The following EEF1E1 variants were observed in gnomAD, a reference collection of about 807,000 sequenced individuals.
The protein encoded by EEF1E1 is eukaryotic translation elongation factor 1 epsilon-1.
EEF1E1 carries 19 observed loss-of-function variants against 19.9 expected under a neutral mutation model. That is an observed-to-expected ratio of 0.95 (90% CI 0.66 to 1.40). The LOEUF (loss-of-function observed/expected upper bound fraction) is 1.40. Ranked by LOEUF, EEF1E1 falls within the 40% of genes most tolerant of loss-of-function variation. The pLI is 0.00. For missense variants in EEF1E1, 198 were observed against 202.2 expected, an observed-to-expected ratio of 0.98 and a Z score of 0.13; for synonymous variants, 81 against 80.0, an observed-to-expected ratio of 1.01 and a Z score of -0.07.
chr6:8,088,657 G>T (rs1368706522), intron 3 of EEF1E1, among the ~76,000 whole-genome samples: 1 of 152,084 alleles, frequency 6.6e-6, no homozygotes, highest in Non-Finnish European at 1.5e-5. Flanking sequence ...CCTTTTTCCT[G>T]TATATATATT....
chr6:8,101,957 C>A, intron 1 of EEF1E1: 1 of 1,252,258 alleles, frequency 8.0e-7, no homozygotes, highest in Non-Finnish European at 1.0e-6. Context: ...AAAAAGCAAG[C>A]TGCCTGAGAG....
intron 3 of EEF1E1, among the ~76,000 whole-genome samples, chr6:8,089,270 C>A (rs1245320433): frequency 6.6e-6 from 1 of 152,002 alleles, no homozygotes; most frequent in Non-Finnish European, 1.5e-5. Flanking sequence ...AAATTAGACA[C>A]TAAGAGATCA....
At chr6:8,094,362 C>A (rs992210270) in intron 2 of EEF1E1, among the ~76,000 whole-genome samples, 21 of 151,580 alleles carry the variant, frequency 1.4e-4, no homozygotes, top group South Asian at 2.1e-4. Context: ...TTCAGGAGGC[C>A]GAGGCGGGTG....
intron 3 of EEF1E1, among the ~76,000 whole-genome samples, chr6:8,088,272 A>G (rs1280891703): frequency 6.6e-6 from 1 of 152,188 alleles, no homozygotes; most frequent in Non-Finnish European, 1.5e-5. Context: ...AAAAGGAAAT[A>G]CAATCTGGAG....
intron 3 of EEF1E1, among the ~76,000 whole-genome samples, chr6:8,084,319 G>A (rs772723368): frequency 3.3e-5 from 5 of 152,276 alleles, no homozygotes; most frequent in South Asian, 2.1e-4. Flanking sequence ...ACTTAGACTC[G>A]TAATTAAATA....
At chr6:8,073,525 A>G (rs1227454406) in intron 3 of EEF1E1, 1 of 1,551,508 alleles carries the variant, frequency 6.4e-7, no homozygotes, top group Non-Finnish European at 8.7e-7. Context: ...AAAAGGGGAT[A>G]AAAAAGGAGT....
chr6:8,079,761 C>T lies in EEF1E1; in HGVS notation c.*129G>A. 2 of 1,338,104 alleles carry T rather than the reference C, an allele frequency of 1.5e-6. No homozygotes were observed. Among genetic ancestry groups the T allele is most frequent in the Non-Finnish European group, 1.9e-6 (2 of 1,040,564 alleles). The allele number at this position is 1,338,104 out of a possible 1,614,324, so 82.9% of individuals were successfully genotyped here. On this transcript the variant is annotated 3_prime_UTR_variant, in exon 4 of 4. Transcript: ENST00000379715. ...TAAAACATTCAGACACAAGTTTACA[C>T]TTCAAAAATTCTATCAACTTCAACA...
At chr6:8,073,677 G>T (rs147766296) in intron 3 of EEF1E1, among the ~76,000 whole-genome samples, 3 of 152,138 alleles carry the variant, frequency 2.0e-5, no homozygotes, top group African/African-American at 2.4e-5. Context: ...CTACAGAATC[G>T]TAAAATTAGC....
intron 3 of EEF1E1, among the ~76,000 whole-genome samples, chr6:8,084,375 C>T (rs1439726736): frequency 6.6e-6 from 1 of 152,172 alleles, no homozygotes; most frequent in Non-Finnish European, 1.5e-5. Context: ...AGGATTATGA[C>T]CTTATTCATT....
rs532560618 is a variant in EEF1E1 at position 8,093,319 on chromosome 6, G to A, written c.289-3038C>T. 2.9e-3 allele frequency among the ~76,000 whole-genome samples: 339 copies of A among 115,916 alleles called. 2 individuals are homozygous for A. Among genetic ancestry groups the A allele is most frequent in the Non-Finnish European group, 3.9e-3 (223 of 56,668 alleles). The allele number at this position is 115,916 out of a possible 152,430, so 76.0% of individuals were successfully genotyped here. The stretch of plus-strand genomic sequence containing the variant: ...TGAGAACTAATTATGTCTGACATTC[G>A]CTTCCTTTTTTTTTTTTTTTTTTTA... On this transcript the variant is annotated intron_variant, in intron 2 of 3. Coordinates refer to ENST00000379715, the MANE Select transcript of EEF1E1 (RefSeq NM_004280.5).
chr6:8,097,389 T>C lies in EEF1E1; in HGVS notation c.166A>G (p.Asn56Asp). The C allele has an allele frequency of 6.2e-7, 1 of 1,614,196 alleles. No individual in the cohort carries two copies. The highest frequency in any genetic ancestry group is 8.5e-7 in the Non-Finnish European group (1 of 1,180,026). The change falls in exon 2 of 4, where the codon AAC becomes GAC. Residue 56 changes from asparagine to aspartate, a missense_variant. Asn to Asp is a conservative substitution (Grantham distance 23). Coordinates refer to ENST00000379715, the MANE Select transcript of EEF1E1 (RefSeq NM_004280.5). ...GTACTCCCCAGCAAATATTCTTTGT[T>C]GGCTTGCTTGACTAGATGAGCTGCT... ...TIAAHLVKQA[N>D]KEYLLGSTAE... is the part of the protein sequence containing the mutation.
chr6:8,074,523 C>T (rs1757548002), downstream of EEF1E1, among the ~76,000 whole-genome samples: 2 of 152,156 alleles, frequency 1.3e-5, no homozygotes, highest in African/African-American at 2.4e-5. Context: ...AAAAACAGTA[C>T]AATGATGCCA....
chr6:8,101,244 ATATATATAT>A (rs1446188425), intron 1 of EEF1E1, among the ~76,000 whole-genome samples: 1,814 of 41,494 alleles, frequency 0.044, 217 homozygotes, highest in African/African-American at 0.063. Context: ...AAAAAAAAAA[ATATATATAT>A]ATATATATAT....
chr6:8,088,301 C>T (rs1010341170), intron 3 of EEF1E1, among the ~76,000 whole-genome samples: 2 of 152,044 alleles, frequency 1.3e-5, no homozygotes, highest in African/African-American at 2.4e-5. Flanking sequence ...AGAAAAGGGG[C>T]AGGAGGCAGA....
intron 1 of EEF1E1, chr6:8,101,654 T>C (rs1269217402): frequency 2.1e-5 from 19 of 895,620 alleles, no homozygotes; most frequent in Non-Finnish European, 2.8e-5. Flanking sequence ...AAAAAACATA[T>C]ATCCAAAGTA....
At chr6:8,088,456 T>A (rs140627805) in intron 3 of EEF1E1, among the ~76,000 whole-genome samples, 4,008 of 152,198 alleles carry the variant, frequency 0.026, 84 homozygotes, top group Middle Eastern at 0.061. Context: ...TGGGGGTAGG[T>A]CTTCCCTGTG....
At chr6:8,095,314 A>G in intron 2 of EEF1E1, 1 of 359,682 alleles carries the variant, frequency 2.8e-6, no homozygotes, top group South Asian at 2.0e-5. Context: ...CAGCCTGGCC[A>G]ACATGATGAA....
At chr6:8,100,678 C>T (rs1329830992) in intron 1 of EEF1E1, among the ~76,000 whole-genome samples, 3 of 152,050 alleles carry the variant, frequency 2.0e-5, no homozygotes, top group African/African-American at 7.3e-5. Flanking sequence ...GCCTTTGTTT[C>T]CTTGCAGTTA....
rs567579624 is a variant in EEF1E1, at chr6:8,096,920, G to A, written c.288+347C>T. Among the ~76,000 whole-genome samples, 13 of 152,122 alleles carry A rather than the reference G, an allele frequency of 8.5e-5. No individual in the cohort carries two copies. The South Asian group carries it at 2.3e-3, about 27-fold the overall frequency. On this transcript the variant is annotated intron_variant, in intron 2 of 3. Coordinates refer to ENST00000379715, the MANE Select transcript of EEF1E1 (RefSeq NM_004280.5). Reference sequence around the variant, plus strand: ...TACCCCTTAGAGAATCGGGATTGTCGAGTGGGGCATCACATCAAAAAAACA... The same window carrying A: ...TACCCCTTAGAGAATCGGGATTGTCAAGTGGGGCATCACATCAAAAAAACA...
Sources: allele counts gnomAD v4.1 joint callset (sites outside exome capture counted in the v4.1 genomes callset), GRCh38; gene constraint gnomAD v4.1.1; transcripts MANE v1.5; gene names NCBI Gene and HGNC (gene_info 2026-07-23, HGNC 2026-07-21).